PKHD1: variants seen among roughly 807,000 people sequenced by gnomAD.
PKHD1 encodes the protein PKHD1 ciliary IPT domain containing fibrocystin/polyductin, also known as fibrocystin.
PKHD1 carries 291 observed loss-of-function variants against 412.0 expected under a neutral mutation model. The observed-to-expected ratio is 0.71, with a 90% CI of 0.64 to 0.78. PKHD1 has a LOEUF of 0.78. Among genes scored for constraint, PKHD1 ranks in the 30% least tolerant of loss-of-function variants. The pLI is 0.00. For missense variants in PKHD1, 4,825 were observed against 4,950.7 expected (o/e 0.97, Z 0.76); for synonymous variants, 1,777 against 1,821.5 (o/e 0.98, Z 0.62).
intron 50 of PKHD1, among the ~76,000 whole-genome samples, chr6:51,844,132 T>C (rs1312781372): frequency 6.6e-6 from 1 of 152,218 alleles, no homozygotes; most frequent in Non-Finnish European, 1.5e-5. Flanking sequence ...TGAAATAACA[T>C]GGCACATTAA....
intron 58 of PKHD1, among the ~76,000 whole-genome samples, chr6:51,747,100 C>T (rs1785293857): frequency 6.6e-6 from 1 of 152,094 alleles, no homozygotes; most frequent in South Asian, 2.1e-4. Flanking sequence ...AAGAGTATTT[C>T]AATACGTTAA....
intron 35 of PKHD1, among the ~76,000 whole-genome samples, chr6:51,965,318 G>C (rs993677961): frequency 6.6e-6 from 1 of 152,110 alleles, no homozygotes; most frequent in Non-Finnish European, 1.5e-5. Flanking sequence ...TGGCCTTGCA[G>C]GGGAAATCAA....
At chr6:51,760,871 A>G (rs1399775484) in intron 55 of PKHD1, among the ~76,000 whole-genome samples, 1 of 152,112 alleles carries the variant, frequency 6.6e-6, no homozygotes, top group Non-Finnish European at 1.5e-5. Context: ...ATAACAGAGT[A>G]TGTTAATAAA....
intron 14 of PKHD1, among the ~76,000 whole-genome samples, chr6:52,061,674 A>G (rs1224088044): frequency 5.3e-5 from 8 of 151,520 alleles, no homozygotes; most frequent in Non-Finnish European, 1.2e-4. Context: ...CTTCAACGGT[A>G]AAAACCGCAA....
rs66966800 is a variant in PKHD1, at chr6:51,903,832, C to CATATATATAT, written c.6866-115_6866-106dup. 1.0e-3 allele frequency: 448 copies of CATATATATAT among 435,314 alleles called. 5 individuals carry two copies. The highest frequency in any genetic ancestry group is 8.1e-3 in the African/African-American group (324 of 39,904). 27.0% of individuals were successfully genotyped at this position (435,314 alleles called of 1,614,324 possible). A position where few individuals can be genotyped will look rare whatever the true frequency, so the allele number is the denominator to read the frequency against. Reference sequence around the variant, plus strand: ...ACATCAGAGTTCACATAATGCATTTCATATATATATATATATATATATATA... The same window carrying CATATATATAT: ...ACATCAGAGTTCACATAATGCATTTCATATATATATATATATATATATATATATATATATA... On this transcript the variant is annotated intron_variant, in intron 42 of 66. Transcript: ENST00000371117.
At chr6:51,662,000 A>G (rs1354840602) in intron 60 of PKHD1, among the ~76,000 whole-genome samples, 1 of 152,036 alleles carries the variant, frequency 6.6e-6, no homozygotes, top group East Asian at 1.9e-4. Context: ...TTGGTTCAGA[A>G]GTAGGGCACA....
In PKHD1 at chr6:52,025,723, T is replaced by C. The variant is rs1802057579; in HGVS notation, c.4087A>G (p.Ile1363Val). ...SIPLHSLEAG[I>V]YPLQVRQKQM... is the part of the protein sequence containing the mutation. ...TTCTGACGTACTTGGAGAGGATAGA[T>C]GCCAGCCTCCAGACTGTGAAGAGGG... Residue 1363 changes from isoleucine to valine, a missense_variant, in exon 32 of 67, where the codon ATC (isoleucine) becomes GTC (valine). By Grantham distance (29) the Ile-to-Val change is conservative (BLOSUM62 3). Transcript: ENST00000371117. 2 of 1,614,212 alleles carry C rather than the reference T, an allele frequency of 1.2e-6. No homozygotes were observed. Among genetic ancestry groups the C allele is most frequent in the African/African-American group, 2.7e-5 (2 of 75,050 alleles).
chr6:51,950,794 A>G (rs1005004755), intron 36 of PKHD1, among the ~76,000 whole-genome samples: 2 of 152,250 alleles, frequency 1.3e-5, no homozygotes, highest in East Asian at 1.9e-4. Flanking sequence ...TAGTCACTCA[A>G]CCAACATTTA....
chr6:51,989,923 G>A (rs1035457571), intron 35 of PKHD1, among the ~76,000 whole-genome samples: 15 of 105,540 alleles, frequency 1.4e-4, no homozygotes, highest in African/African-American at 1.8e-4. Flanking sequence ...AAGGAAGGAA[G>A]GAAGGAAGGA....
chr6:51,800,243 C>A (rs1488889599), intron 52 of PKHD1, among the ~76,000 whole-genome samples: 1 of 152,112 alleles, frequency 6.6e-6, no homozygotes, highest in Non-Finnish European at 1.5e-5. Context: ...TGTGTTTTGC[C>A]AAGCAGTGTT....
chr6:51,836,392 G>T lies in PKHD1; in HGVS notation c.8173+12C>A. 1 of 1,577,918 alleles carries T rather than the reference G, an allele frequency of 6.3e-7. No individual in the cohort carries two copies. The highest frequency in any genetic ancestry group is 8.7e-7 in the Non-Finnish European group (1 of 1,147,164). ...CATACTAGACACTTCTACTTCGTGT[G>T]TTAATACTCACCTGAAATAGTTGGG... On this transcript the variant is annotated intron_variant, in intron 51 of 66. Coordinates refer to ENST00000371117, the MANE Select transcript of PKHD1 (RefSeq NM_138694.4).
chr6:52,070,438 CT>C lies in PKHD1; in HGVS notation c.674del (p.Gln225ArgfsTer21). The C allele has an allele frequency of 6.2e-7, 1 of 1,610,110 alleles. No homozygotes were observed. The highest frequency in any genetic ancestry group is 8.5e-7 in the Non-Finnish European group (1 of 1,176,620). Reference sequence around the variant, plus strand: ...TGTTAAATACTGAGAAGCTAACATTCTGGGAGCCTGTAACACAAAGAAACAC... The same window carrying C: ...TGTTAAATACTGAGAAGCTAACATTCGGGAGCCTGTAACACAAAGAAACAC... The part of the protein sequence containing the change: ...CHVEGDYIGS[Q>X]NVSFSVFNKG... On this transcript the variant is annotated frameshift_variant, in exon 10 of 67. Transcript: ENST00000371117. LOFTEE classifies it high-confidence loss of function.
intron 35 of PKHD1, 113 bp from the exon 36 acceptor site, chr6:51,960,139 G>A (rs1583574656): frequency 1.0e-5 from 10 of 963,568 alleles, no homozygotes; most frequent in Admixed American, 3.8e-5. Flanking sequence ...GTTTTTGGGC[G>A]GGATAGTATA....
At chr6:51,813,996 T>A (rs555897053) in intron 52 of PKHD1, among the ~76,000 whole-genome samples, 14 of 152,278 alleles carry the variant, frequency 9.2e-5, no homozygotes, top group African/African-American at 3.4e-4. Flanking sequence ...AGGGAAAGAC[T>A]CATAACCATA....
In PKHD1 at chr6:51,847,961, T is replaced by C. The variant is rs7766366; in HGVS notation, c.7921A>G (p.Thr2641Ala). Residue 2641 changes from threonine (T) to alanine (A), a missense_variant, in exon 50 of 67, where the codon ACC becomes GCC. Transcript: ENST00000371117. ...TTACCAGGAGCAAAGTTGTCAAAGGTTGCTGAGTACTTGAAGTGAAAGAAA... is the reference window on the plus strand; with the variant it reads ...TTACCAGGAGCAAAGTTGTCAAAGGCTGCTGAGTACTTGAAGTGAAAGAAA... Reference protein sequence around the residue: ...WINRSLQYSATFDNFAPGNYL... With the variant: ...WINRSLQYSAAFDNFAPGNYL... 2,412 of 1,613,126 alleles carry C rather than the reference T, an allele frequency of 1.5e-3. 29 individuals are homozygous for C. In the African/African-American group the frequency reaches 0.025, roughly 17 times the overall value.
chr6:51,882,873 G>C (rs753694865), intron 46 of PKHD1, among the ~76,000 whole-genome samples: 16 of 152,112 alleles, frequency 1.1e-4, no homozygotes, highest in Non-Finnish European at 1.2e-4. Flanking sequence ...TGACTTCTGT[G>C]ATTTATCTGT....
intron 35 of PKHD1, among the ~76,000 whole-genome samples, chr6:51,966,313 G>A (rs1792800736): frequency 6.6e-6 from 1 of 152,122 alleles, no homozygotes; most frequent in South Asian, 2.1e-4. Context: ...GGACTTCCAG[G>A]TCACAGGTAG....
At chr6:52,050,130 G>T in intron 22 of PKHD1, 27 bp downstream of exon 22, 1 of 1,612,004 alleles carries the variant, frequency 6.2e-7, no homozygotes, top group Non-Finnish European at 8.5e-7. Flanking sequence ...TAGGAGAAGG[G>T]ACAGGTGTAA....
rs145672287 is a variant in PKHD1 at position 52,080,467 on chromosome 6, T to A, written c.282-459A>T. Among the ~76,000 whole-genome samples the A allele has an allele frequency of 2.0e-5, 3 of 152,260 alleles. No homozygotes were observed. In the East Asian group the frequency reaches 5.8e-4, roughly 29 times the overall value. On this transcript the variant is annotated intron_variant, in intron 4 of 66. Coordinates refer to ENST00000371117, the MANE Select transcript of PKHD1 (RefSeq NM_138694.4). ...ACTTCATGTAGCCATCAAAACAGAG[T>A]CTTGGATCTTCTCTCCTCTTTATAC...
Sources: allele counts gnomAD v4.1 joint callset (sites outside exome capture counted in the v4.1 genomes callset), GRCh38; gene constraint gnomAD v4.1.1; transcripts MANE v1.5; gene names NCBI Gene and HGNC (gene_info 2026-07-23, HGNC 2026-07-21).